The following NEK6 variants were observed in gnomAD, a reference collection of about 807,000 sequenced individuals.
The protein encoded by NEK6 is NIMA related kinase 6.
NEK6 carries 27 observed loss-of-function variants against 43.5 expected under a neutral mutation model. The observed-to-expected ratio is 0.62, with a 90% CI of 0.46 to 0.86. NEK6 has a LOEUF of 0.86. Among genes scored for constraint, NEK6 ranks in the 40% least tolerant of loss-of-function variants. NEK6 has a pLI of 0.00. For synonymous variants in NEK6, 167 were observed against 164.1 expected (o/e 1.02, Z -0.14); for missense variants, 318 against 414.4 (o/e 0.77, Z 2.02).
Position 124,343,150 on chromosome 9 carries a change from G to A in NEK6, c.717+3485G>A, listed in dbSNP as rs1159863020. Among the ~76,000 whole-genome samples the A allele has an allele frequency of 1.3e-5, 2 of 152,048 alleles. No homozygotes were observed. The highest frequency in any genetic ancestry group is 2.4e-5 in the African/African-American group (1 of 41,390). On this transcript the variant is annotated intron_variant, in intron 8 of 9. Coordinates refer to ENST00000320246, the MANE Select transcript of NEK6 (RefSeq NM_014397.6). The surrounding 1 kb of genome is among the most constrained non-coding windows in gnomAD (Gnocchi z 5.1). ...TCGTGACTCCCTGGCATTGAGGCTC[G>A]GGTTACGCCGAGCTGACTCATTTGT...
rs2297228 is a variant in NEK6 at position 124,341,423 on chromosome 9, A to G, written c.717+1758A>G. 9.3e-5 allele frequency among the ~76,000 whole-genome samples: 14 copies of G among 150,366 alleles called. 3 individuals carry two copies. Among genetic ancestry groups the G allele is most frequent in the Admixed American group, 4.6e-4 (7 of 15,070 alleles). ...CCTTCTCCCAGGGCTCAGCAGATGC[A>G]GGTGACAAGAGGGTGGGACCCCTTC... On this transcript the variant is annotated intron_variant, in intron 8 of 9. Transcript: ENST00000320246.
rs1830873102 is a variant in NEK6 at position 124,257,984 on chromosome 9, G to T, written c.-131G>T. 25 of 978,866 alleles carry T rather than the reference G, an allele frequency of 2.6e-5. No individual in the cohort carries two copies. The highest frequency in any genetic ancestry group is 3.0e-5 in the Non-Finnish European group (25 of 827,506). 60.6% of individuals were successfully genotyped at this position (978,866 alleles called of 1,614,324 possible). On this transcript the variant is annotated 5_prime_UTR_variant, in exon 1 of 10. Transcript: ENST00000320246. ...CGGCGGCGGAACCGAGCTGACGGGC[G>T]TGCGGCCGCTGCGCCGCAAACTCGT...
Position 124,326,561 on chromosome 9 carries a change from A to C in NEK6, c.514+123A>C, listed in dbSNP as rs868843547. 2.2e-5 allele frequency: 15 copies of C among 690,452 alleles called. No homozygotes were observed. The highest frequency in any genetic ancestry group is 3.4e-4 in the Middle Eastern group (1 of 2,906). 42.8% of individuals were successfully genotyped at this position (690,452 alleles called of 1,614,324 possible). ...GAAGTTGGACCGCTCTGTATTCCCC[A>C]GGCAAGGGGGCTGCCCAGCAACCGC... On this transcript the variant is annotated intron_variant, in intron 6 of 9. Transcript: ENST00000320246. The surrounding 1 kb of genome is among the most constrained non-coding windows in gnomAD (Gnocchi z 4.5).
chr9:124,346,530 A>G (rs1221516514), intron 8 of NEK6, among the ~76,000 whole-genome samples: 1 of 152,126 alleles, frequency 6.6e-6, no homozygotes, highest in Non-Finnish European at 1.5e-5. Flanking sequence ...CCGGGGCCAG[A>G]CAGCAGGAGG....
At chr9:124,346,040 C>T (rs1238566606) in intron 8 of NEK6, among the ~76,000 whole-genome samples, 3 of 152,188 alleles carry the variant, frequency 2.0e-5, no homozygotes, top group Admixed American at 6.5e-5. Context: ...TTTCAGGCTC[C>T]ACATGGGTTC....
chr9:124,299,164 G>A (rs1370633066), intron 1 of NEK6, among the ~76,000 whole-genome samples: 1 of 152,242 alleles, frequency 6.6e-6, no homozygotes, highest in Admixed American at 6.5e-5. Flanking sequence ...CCCCAGGGCA[G>A]GTGGGCGGGT....
chr9:124,279,444 G>A (rs1259503274), intron 1 of NEK6, among the ~76,000 whole-genome samples: 1 of 152,104 alleles, frequency 6.6e-6, no homozygotes, highest in African/African-American at 2.4e-5. Context: ...TGGGACTGCA[G>A]GCACACACCA....
At chr9:124,282,591 T>C (rs1831965026) in intron 1 of NEK6, among the ~76,000 whole-genome samples, 2 of 150,702 alleles carry the variant, frequency 1.3e-5, no homozygotes, top group African/African-American at 4.8e-5. Flanking sequence ...GGGGGAACGC[T>C]GTCACCACAG....
At chr9:124,259,656 G>A (rs1028091626) in intron 1 of NEK6, among the ~76,000 whole-genome samples, 5 of 152,258 alleles carry the variant, frequency 3.3e-5, no homozygotes, top group Admixed American at 2.0e-4. Context: ...TGCCTGTGGG[G>A]AGCCGTGGAA....
intron 1 of NEK6, 31 bp from the exon 2 acceptor site, chr9:124,301,905 A>T (rs1292814177): frequency 1.3e-6 from 2 of 1,522,492 alleles, no homozygotes; most frequent in Non-Finnish European, 1.8e-6. Flanking sequence ...TCTCAAAGAG[A>T]AAGTGAACAG....
intron 1 of NEK6, among the ~76,000 whole-genome samples, chr9:124,264,929 G>A (rs1588433894): frequency 6.6e-6 from 1 of 152,168 alleles, no homozygotes; most frequent in Non-Finnish European, 1.5e-5. Context: ...GGCGAAGGGG[G>A]CAAAGCCACC....
chr9:124,320,807 A>G (rs184573456), intron 4 of NEK6, among the ~76,000 whole-genome samples: 51 of 152,196 alleles, frequency 3.4e-4, no homozygotes, highest in African/African-American at 1.2e-3. Context: ...AACATTTCAC[A>G]AGGGCCAGGC....
At chr9:124,349,861 G>C (rs113749787) in intron 9 of NEK6, among the ~76,000 whole-genome samples, 3 of 152,338 alleles carry the variant, frequency 2.0e-5, no homozygotes, top group African/African-American at 4.8e-5. Context: ...TGGGCTTCTC[G>C]GTTGTAAGGC....
chr9:124,322,550 C>T (rs915210724), intron 5 of NEK6, among the ~76,000 whole-genome samples: 1 of 152,182 alleles, frequency 6.6e-6, no homozygotes, highest in African/African-American at 2.4e-5. Flanking sequence ...TAGGTGGAAG[C>T]CCCCAGGCCT....
At chr9:124,258,555 G>A (rs1438804011) in intron 1 of NEK6, among the ~76,000 whole-genome samples, 1 of 152,242 alleles carries the variant, frequency 6.6e-6, no homozygotes, top group Admixed American at 6.5e-5. Flanking sequence ...AAGTATGCCT[G>A]TGTGGGTGTG....
At chr9:124,314,204 G>A (rs1833700701) in intron 4 of NEK6, among the ~76,000 whole-genome samples, 1 of 152,124 alleles carries the variant, frequency 6.6e-6, no homozygotes, top group South Asian at 2.1e-4. Context: ...TGGGGTCGCT[G>A]CCTACAGCCT....
intron 8 of NEK6, among the ~76,000 whole-genome samples, chr9:124,344,184 C>G (rs916075688): frequency 6.6e-6 from 1 of 152,196 alleles, no homozygotes; most frequent in Non-Finnish European, 1.5e-5. Context: ...CATGAGGGCT[C>G]TTGTGGGTAC....
intron 8 of NEK6, among the ~76,000 whole-genome samples, chr9:124,345,395 T>C (rs932151997): frequency 6.6e-5 from 10 of 152,190 alleles, no homozygotes; most frequent in Non-Finnish European, 5.9e-5. Context: ...GGAGGAGGCC[T>C]GTTCCTGGGG....
chr9:124,257,941 C>T (rs1279805312), upstream of NEK6: 1 of 977,548 alleles, frequency 1.0e-6, no homozygotes, highest in Non-Finnish European at 1.2e-6. Context: ...GCGCGCGGGC[C>T]CGCGCAGGCG....
Sources: gnomAD v4.1 joint callset for allele counts (sites outside exome capture counted in the v4.1 genomes callset) on GRCh38, gnomAD v4.1.1 for gene constraint, Gnocchi (gnomAD v3.1) non-coding constraint, MANE v1.5 for transcripts, NCBI Gene and HGNC (gene_info 2026-07-23, HGNC 2026-07-21) for gene names.